The following DSCAML1 variants were observed in gnomAD, a reference collection of about 807,000 sequenced individuals.
DSCAML1 encodes the protein DS cell adhesion molecule like 1, also known as cell adhesion molecule DSCAML1.
DSCAML1 carries 38 observed loss-of-function variants against 200.5 expected under a neutral mutation model. The ratio of observed to expected loss-of-function variants is 0.19; its 90% CI spans 0.15 to 0.25. The LOEUF is 0.25. Ranked by LOEUF, DSCAML1 falls within the 10% of genes least tolerant of loss-of-function variation. The pLI, the probability that DSCAML1 is intolerant of heterozygous loss-of-function variation, is 1.00. For synonymous variants in DSCAML1, 1,215 were observed against 1,165.0 expected (o/e 1.04, Z -0.87); for missense variants, 2,223 against 2,858.8 (o/e 0.78, Z 5.07).
chr11:117,571,403 CTGAG>C (rs1276039827), intron 3 of DSCAML1, among the ~76,000 whole-genome samples: 8 of 152,322 alleles, frequency 5.3e-5, no homozygotes, highest in African/African-American at 1.9e-4. Flanking sequence ...AGATCGTGGA[CTGAG>C]TGAGTGAGGG....
At chr11:117,443,528 G>A (rs1471341272) in intron 21 of DSCAML1, among the ~76,000 whole-genome samples, 1 of 152,248 alleles carries the variant, frequency 6.6e-6, no homozygotes, top group East Asian at 1.9e-4. Context: ...CAGCACACCC[G>A]GCTGTAGCCA....
At chr11:117,795,721 T>C (rs2055559989) in intron 1 of DSCAML1, among the ~76,000 whole-genome samples, 1 of 152,096 alleles carries the variant, frequency 6.6e-6, no homozygotes, top group African/African-American at 2.4e-5. Flanking sequence ...AAATAAGGGT[T>C]ATCCTCTTTC....
Position 117,757,927 on chromosome 11 carries a change from T to C in DSCAML1, c.511+18864A>G, listed in dbSNP as rs543633348. Among the ~76,000 whole-genome samples, 5 of 152,078 alleles carry C rather than the reference T, an allele frequency of 3.3e-5. No homozygotes were observed. In the South Asian group the frequency reaches 6.2e-4, roughly 19 times the overall value. ...ATCGCTTGAACCCAGGAGGTGGAGATTGCAGTGAGCCGAGATGGCGCCATT... is the reference window on the plus strand; with the variant it reads ...ATCGCTTGAACCCAGGAGGTGGAGACTGCAGTGAGCCGAGATGGCGCCATT... On this transcript the variant is annotated intron_variant, in intron 3 of 32. Transcript: ENST00000651296.
intron 11 of DSCAML1, among the ~76,000 whole-genome samples, chr11:117,502,225 A>G (rs904537025): frequency 6.6e-6 from 1 of 152,084 alleles, no homozygotes; most frequent in Admixed American, 6.6e-5. Flanking sequence ...CCAGCTCCTG[A>G]CCGCTGTGTC....
chr11:117,728,740 T>C lies in DSCAML1; in HGVS notation c.511+48051A>G, dbSNP rs145957662. 5.9e-5 allele frequency among the ~76,000 whole-genome samples: 9 copies of C among 152,258 alleles called. No individual in the cohort carries two copies. In the East Asian group the frequency reaches 1.7e-3, roughly 29 times the overall value. ...TAGGAATAATTTTAAGAAAAATGTG[T>C]CCAAAGAATGCTCTGAAAACCATAA... is the stretch of plus-strand genomic sequence containing the variant. On this transcript the variant is annotated intron_variant, in intron 3 of 32. Coordinates refer to ENST00000651296, the MANE Select transcript of DSCAML1 (RefSeq NM_020693.4).
At chr11:117,694,868 GT>G (rs757099196) in intron 3 of DSCAML1, among the ~76,000 whole-genome samples, 27 of 152,232 alleles carry the variant, frequency 1.8e-4, no homozygotes, top group Admixed American at 4.6e-4. Flanking sequence ...AAAGCCCAGG[GT>G]GCAGGTGGGT....
At chr11:117,657,724 G>A (rs528392548) in intron 3 of DSCAML1, among the ~76,000 whole-genome samples, 45 of 152,188 alleles carry the variant, frequency 3.0e-4, no homozygotes, top group Non-Finnish European at 5.9e-4. Flanking sequence ...ATGGATGCTG[G>A]ATTACAGAGG....
At chr11:117,787,259 T>G (rs2055373821) in intron 1 of DSCAML1, among the ~76,000 whole-genome samples, 1 of 152,214 alleles carries the variant, frequency 6.6e-6, no homozygotes, top group African/African-American at 2.4e-5. Context: ...AGTTAATATA[T>G]ATGAAGAGCT....
intron 1 of DSCAML1, among the ~76,000 whole-genome samples, chr11:117,805,454 T>C (rs961679894): frequency 6.6e-6 from 1 of 152,258 alleles, no homozygotes; most frequent in East Asian, 1.9e-4. Flanking sequence ...GAGAAGGTAA[T>C]AGGTAAGGTG....
intron 27 of DSCAML1, among the ~76,000 whole-genome samples, 182 bp downstream of exon 27, chr11:117,435,462 G>A (rs1311939108): frequency 1.3e-5 from 2 of 152,378 alleles, no homozygotes; most frequent in African/African-American, 4.8e-5. Context: ...CATAGAGGAG[G>A]AAGTGGTGAA....
chr11:117,764,005 C>T (rs773230030), intron 3 of DSCAML1, among the ~76,000 whole-genome samples: 2 of 152,146 alleles, frequency 1.3e-5, no homozygotes, highest in Non-Finnish European at 2.9e-5. Context: ...TTTCCTGCAC[C>T]CTCATCACAC....
chr11:117,613,297 T>C (rs547939592), intron 3 of DSCAML1, among the ~76,000 whole-genome samples: 2 of 152,074 alleles, frequency 1.3e-5, no homozygotes, highest in South Asian at 4.2e-4. Flanking sequence ...AGGGTGCTCT[T>C]GGAGTAATAG....
intron 20 of DSCAML1, among the ~76,000 whole-genome samples, chr11:117,448,633 GT>G (rs1436424601): frequency 1.6e-5 from 2 of 122,338 alleles, no homozygotes; most frequent in African/African-American, 6.1e-5. Context: ...ATGTGTGTGT[GT>G]GTGTGGGGGG....
intron 3 of DSCAML1, among the ~76,000 whole-genome samples, chr11:117,759,155 C>T (rs1166390038): frequency 2.0e-5 from 3 of 152,132 alleles, no homozygotes; most frequent in African/African-American, 4.8e-5. Flanking sequence ...CCCGGGTCCC[C>T]GGTCCCATCA....
chr11:117,560,756 G>T (rs1049962076), intron 3 of DSCAML1, among the ~76,000 whole-genome samples: 1 of 152,128 alleles, frequency 6.6e-6, no homozygotes, highest in Non-Finnish European at 1.5e-5. Context: ...GCCCATCCCT[G>T]TTTTAGGGGC....
chr11:117,772,124 G>C (rs2055049705), intron 3 of DSCAML1, among the ~76,000 whole-genome samples: 3 of 152,050 alleles, frequency 2.0e-5, no homozygotes, highest in Non-Finnish European at 4.4e-5. Context: ...AGAGGGGCAG[G>C]GTGTCAACAG....
At chr11:117,599,563 C>T (rs948339574) in intron 3 of DSCAML1, among the ~76,000 whole-genome samples, 1 of 152,198 alleles carries the variant, frequency 6.6e-6, no homozygotes, top group Non-Finnish European at 1.5e-5. Context: ...CTCTGCTCAG[C>T]AGCACCGTAG....
At chr11:117,796,207 T>G (rs1177682785) in intron 1 of DSCAML1, among the ~76,000 whole-genome samples, 2 of 152,202 alleles carry the variant, frequency 1.3e-5, no homozygotes, top group Non-Finnish European at 2.9e-5. Context: ...GCCGCAGGTC[T>G]GGACATGCCG....
chr11:117,723,714 A>G (rs552243373), intron 3 of DSCAML1, among the ~76,000 whole-genome samples: 11 of 152,200 alleles, frequency 7.2e-5, no homozygotes, highest in Non-Finnish European at 1.5e-4. Context: ...GTAAAATGAC[A>G]TTTGCCTTTC....
Sources: allele counts gnomAD v4.1 joint callset (sites outside exome capture counted in the v4.1 genomes callset), GRCh38; gene constraint gnomAD v4.1.1; transcripts MANE v1.5; gene names NCBI Gene and HGNC (gene_info 2026-07-23, HGNC 2026-07-21).